Variants in TBC1D1 observed in about 807,000 individuals in gnomAD.
The protein encoded by TBC1D1 is TBC1 (tre-2/USP6, BUB2, cdc16) domain family, member 1.
In TBC1D1, 89 loss-of-function variants were observed where a neutral mutation model predicts 125.6. The ratio of observed to expected loss-of-function variants is 0.71; its 90% CI spans 0.60 to 0.85. The LOEUF (loss-of-function observed/expected upper bound fraction) is 0.85, where lower values mean the gene tolerates loss of function less well. Among genes scored for constraint, TBC1D1 ranks in the 40% least tolerant of loss-of-function variants. The probability of loss-of-function intolerance (pLI) is 0.00; values close to 1 mark genes in which losing one functional copy is unlikely to be tolerated. For synonymous variants in TBC1D1, 565 were observed against 564.1 expected (o/e 1.00, Z -0.02); for missense variants, 1,377 against 1,469.2 (o/e 0.94, Z 1.03).
chr4:38,026,630 A>T (rs956451603), intron 6 of TBC1D1, among the ~76,000 whole-genome samples: 2 of 151,828 alleles, frequency 1.3e-5, no homozygotes, highest in Admixed American at 1.3e-4. Context: ...AAGAAAAATA[A>T]CCCATGCTTT....
Position 37,960,800 on chromosome 4 carries a change from TC to T in TBC1D1, c.418-53708del, listed in dbSNP as rs753535094. The T allele has an allele frequency of 2.5e-6, 4 of 1,614,164 alleles. No individual in the cohort carries two copies. In the South Asian group the frequency reaches 4.4e-5, roughly 18 times the overall value. Reference sequence around the variant, plus strand: ...TAGAAAAATTCTTTCCCTTCAATCTTCTAGACTTTGAGAGTTTTGACCTGCC... The same window carrying T: ...TAGAAAAATTCTTTCCCTTCAATCTTTAGACTTTGAGAGTTTTGACCTGCC... On this transcript the variant is annotated intron_variant, in intron 2 of 19. Transcript: ENST00000261439.
At chr4:37,979,466 G>A (rs1733914714) in intron 2 of TBC1D1, among the ~76,000 whole-genome samples, 1 of 152,226 alleles carries the variant, frequency 6.6e-6, no homozygotes, top group Non-Finnish European at 1.5e-5. Flanking sequence ...GGTTTACGGT[G>A]AAGAGGCAAG....
At chr4:37,915,632 C>T (rs1250087267) in intron 2 of TBC1D1, among the ~76,000 whole-genome samples, 3 of 152,222 alleles carry the variant, frequency 2.0e-5, no homozygotes, top group Non-Finnish European at 4.4e-5. Context: ...AACACCTTCA[C>T]AGACATACCC....
At chr4:38,039,104 CTTTTTTTTTTTTTTTTTTTT>C (rs776941680) in intron 8 of TBC1D1, among the ~76,000 whole-genome samples, 18 of 51,584 alleles carry the variant, frequency 3.5e-4, no homozygotes, top group Middle Eastern at 0.021. Context: ...GCATCATACT[CTTTTTTTTTTTTTTTTTTTT>C]TTTTTTTTTT....
At chr4:37,930,153 T>C (rs1416366443) in intron 2 of TBC1D1, among the ~76,000 whole-genome samples, 2 of 152,168 alleles carry the variant, frequency 1.3e-5, no homozygotes. Flanking sequence ...TTAAATACAA[T>C]GTAATACTAA....
At chr4:38,066,488 C>T (rs951743379) in intron 12 of TBC1D1, among the ~76,000 whole-genome samples, 10 of 152,070 alleles carry the variant, frequency 6.6e-5, no homozygotes, top group South Asian at 4.2e-4. Flanking sequence ...CGCATCACCA[C>T]GCCCTGCTAA....
In TBC1D1 at chr4:37,894,478, G is replaced by A. The variant is rs192720289; in HGVS notation, c.-94+3130G>A. Among the ~76,000 whole-genome samples, 6 of 152,270 alleles carry A rather than the reference G, an allele frequency of 3.9e-5. No homozygotes were observed. The East Asian group carries it at 1.2e-3, about 29-fold the overall frequency. ...AATACATTTTAGAACCAACAAAGAG[G>A]CATTTAATTTTGAGTGTGCCTGTCT... On this transcript the variant is annotated intron_variant, in intron 1 of 19. Transcript: ENST00000261439.
intron 2 of TBC1D1, chr4:37,952,116 C>T: frequency 1.4e-6 from 1 of 716,000 alleles, no homozygotes; most frequent in Non-Finnish European, 2.6e-6. Context: ...GTGAAGCTTG[C>T]TGCAAGGCCT....
chr4:38,017,056 C>T (rs997071571), intron 3 of TBC1D1, among the ~76,000 whole-genome samples: 49 of 128,670 alleles, frequency 3.8e-4, no homozygotes, highest in Middle Eastern at 3.6e-3. Flanking sequence ...CTTTGGATGC[C>T]ATGGGGAAGG....
At chr4:37,952,530 A>C (rs1578016428) in intron 2 of TBC1D1, 1 of 164,352 alleles carries the variant, frequency 6.1e-6, no homozygotes, top group East Asian at 1.7e-4. Flanking sequence ...ACAAAGGAAG[A>C]GAAAACCAAA....
At chr4:38,026,496 G>A (rs879857010) in intron 6 of TBC1D1, among the ~76,000 whole-genome samples, 5 of 152,342 alleles carry the variant, frequency 3.3e-5, no homozygotes, top group African/African-American at 1.2e-4. Flanking sequence ...CCTGCCATCC[G>A]TAGTGATGTA....
chr4:37,906,351 T>C (rs775269002), intron 2 of TBC1D1, among the ~76,000 whole-genome samples: 1 of 152,210 alleles, frequency 6.6e-6, no homozygotes, highest in Non-Finnish European at 1.5e-5. Flanking sequence ...TTTCACCGTG[T>C]TGGCCAGGCT....
intron 2 of TBC1D1, among the ~76,000 whole-genome samples, chr4:37,984,733 C>T (rs1170723197): frequency 2.6e-5 from 4 of 151,184 alleles, no homozygotes; most frequent in Non-Finnish European, 4.4e-5. Context: ...ATCCCAGCTA[C>T]TTGGGAGGCT....
At chr4:38,112,077 A>G in intron 15 of TBC1D1, 1 of 985,472 alleles carries the variant, frequency 1.0e-6, no homozygotes, top group Non-Finnish European at 1.2e-6. Flanking sequence ...CTGAAACTGC[A>G]TCCTGGAAGC....
intron 2 of TBC1D1, among the ~76,000 whole-genome samples, chr4:37,905,191 A>AAT (rs1360994130): frequency 1.3e-5 from 2 of 152,260 alleles, no homozygotes; most frequent in Admixed American, 6.5e-5. Flanking sequence ...TGTTCCATAG[A>AAT]ATATGAGGAA....
intron 15 of TBC1D1, among the ~76,000 whole-genome samples, chr4:38,112,538 ATG>A (rs1762366894): frequency 6.6e-6 from 1 of 152,196 alleles, no homozygotes; most frequent in African/African-American, 2.4e-5. Context: ...TCTGCAAACT[ATG>A]TGTTCTGTCC....
Position 38,052,197 on chromosome 4 carries a change from G to A in TBC1D1, c.1911-2002G>A, listed in dbSNP as rs554006819. The A allele has an allele frequency of 2.8e-4, 192 of 697,182 alleles. 2 individuals carry two copies. In the African/African-American group the frequency reaches 3.1e-3, roughly 11 times the overall value. 43.2% of individuals were successfully genotyped at this position (697,182 alleles called of 1,614,324 possible). On this transcript the variant is annotated intron_variant, in intron 11 of 19. Coordinates refer to ENST00000261439, the MANE Select transcript of TBC1D1 (RefSeq NM_015173.4). ...TGTGTGTGTGTGTGTGTGTGTGTGC[G>A]CGCGCGTGTGTGTCTTTGTTTATAT...
intron 17 of TBC1D1, among the ~76,000 whole-genome samples, chr4:38,118,989 GCA>G (rs1024732713): frequency 5.3e-5 from 8 of 152,140 alleles, no homozygotes; most frequent in African/African-American, 1.2e-4. Context: ...GTCAGTTCGG[GCA>G]CAGTTTGTTT....
intron 2 of TBC1D1, among the ~76,000 whole-genome samples, chr4:37,970,114 G>A (rs1731752467): frequency 5.9e-5 from 9 of 152,184 alleles, no homozygotes; most frequent in Admixed American, 5.9e-4. Flanking sequence ...ATATTCCATT[G>A]TGTGGATATA....
Sources: gnomAD v4.1 joint callset for allele counts (sites outside exome capture counted in the v4.1 genomes callset) on GRCh38, gnomAD v4.1.1 for gene constraint, MANE v1.5 for transcripts, NCBI Gene and HGNC (gene_info 2026-07-23, HGNC 2026-07-21) for gene names.